Variants in GYG2 observed in about 807,000 individuals in gnomAD.
GYG2 encodes the protein glycogenin 2, also known as glycogenin-2.
In GYG2, 29 loss-of-function variants were observed where a neutral mutation model predicts 29.4. That is an observed-to-expected ratio of 0.99 (90% CI 0.74 to 1.35). GYG2 has a LOEUF of 1.35. GYG2 is among the 40% of genes most tolerant of loss of function. The probability of loss-of-function intolerance (pLI) is 0.00; values close to 1 mark genes in which losing one functional copy is unlikely to be tolerated. For synonymous variants in GYG2, 167 were observed against 172.3 expected (o/e 0.97, Z 0.24); for missense variants, 370 against 385.7 (o/e 0.96, Z 0.34).
chrX:2,840,737 GAGAT>G (rs895844000), intron 2 of GYG2, among the ~76,000 whole-genome samples: 1 of 110,432 alleles, frequency 9.1e-6, no homozygotes, highest in Admixed American at 9.7e-5. Context: ...AGAGATGATG[GAGAT>G]AGATGGATGA....
At chrX:2,875,765 C>T in intron 8 of GYG2, 45 bp from the exon 9 acceptor site, 1 of 841,219 alleles carries the variant, frequency 1.2e-6, no homozygotes, top group Non-Finnish European at 1.8e-6. Flanking sequence ...CATTTATTTG[C>T]ACGAAGGTTT....
intron 10 of GYG2, among the ~76,000 whole-genome samples, chrX:2,878,745 C>G (rs956228708): frequency 9.8e-5 from 11 of 112,238 alleles, no homozygotes; most frequent in African/African-American, 3.2e-4. Context: ...GGCACTTTGA[C>G]CTCCTGTGTG....
At chrX:2,860,346 G>A (rs2088130226) in intron 7 of GYG2, among the ~76,000 whole-genome samples, 1 of 111,477 alleles carries the variant, frequency 9.0e-6, no homozygotes, top group African/African-American at 3.3e-5. Flanking sequence ...GACACTCATG[G>A]ACAAGTGGTT....
chrX:2,848,803 A>G (rs1346494133), intron 3 of GYG2, among the ~76,000 whole-genome samples: 1 of 111,934 alleles, frequency 8.9e-6, no homozygotes, highest in Non-Finnish European at 1.9e-5. Context: ...AGGTTCACTC[A>G]AGAGGAACTT....
intron 8 of GYG2, among the ~76,000 whole-genome samples, chrX:2,863,149 A>T (rs1056825272): frequency 9.3e-6 from 1 of 107,421 alleles, no homozygotes; most frequent in South Asian, 4.4e-4. Context: ...ATCTTGGCTC[A>T]CTGCAAGCTC....
intron 8 of GYG2, among the ~76,000 whole-genome samples, chrX:2,864,195 G>A (rs781664611): frequency 6.2e-5 from 7 of 112,081 alleles, no homozygotes; most frequent in South Asian, 3.7e-4. Context: ...GGACACACCC[G>A]TGACACAGCC....
chrX:2,868,201 G>T (rs1341619347), intron 8 of GYG2, among the ~76,000 whole-genome samples: 1 of 110,607 alleles, frequency 9.0e-6, no homozygotes, highest in African/African-American at 3.3e-5. Context: ...AGAATAAAAA[G>T]AATTCTAACC....
intron 8 of GYG2, among the ~76,000 whole-genome samples, chrX:2,868,901 G>A (rs191958836): frequency 9.0e-6 from 1 of 110,702 alleles, no homozygotes; most frequent in Admixed American, 9.7e-5. Context: ...ATTATATTAC[G>A]GTCACATTTT....
intron 4 of GYG2, among the ~76,000 whole-genome samples, chrX:2,854,584 C>T (rs986650813): frequency 4.5e-5 from 5 of 111,594 alleles, no homozygotes; most frequent in Non-Finnish European, 9.4e-5. Context: ...CATGTTCCTA[C>T]CCCAGGAATG....
At chrX:2,838,925 C>G (rs1333964577) in intron 2 of GYG2, among the ~76,000 whole-genome samples, 1 of 112,183 alleles carries the variant, frequency 8.9e-6, no homozygotes, top group African/African-American at 3.2e-5. Flanking sequence ...CTGTCTGTTC[C>G]TTGAACTTCT....
intron 8 of GYG2, among the ~76,000 whole-genome samples, chrX:2,871,647 G>A (rs757005111): frequency 1.8e-5 from 2 of 110,927 alleles, no homozygotes; most frequent in South Asian, 7.6e-4. Context: ...CCGAGATGGT[G>A]CCACTGCACT....
At chrX:2,838,283 T>C (rs1418268825) in intron 2 of GYG2, among the ~76,000 whole-genome samples, 1 of 111,581 alleles carries the variant, frequency 9.0e-6, no homozygotes, top group Non-Finnish European at 1.9e-5. Flanking sequence ...TCATCCTTAA[T>C]AGGATTGACC....
intron 3 of GYG2, among the ~76,000 whole-genome samples, chrX:2,851,287 C>T (rs758235049): frequency 5.2e-4 from 58 of 111,518 alleles, no homozygotes; most frequent in Middle Eastern, 4.6e-3. Context: ...GCTCTGTCGC[C>T]CAGGCCGGAG....
At chrX:2,879,591 C>G (rs763930781) in intron 10 of GYG2, among the ~76,000 whole-genome samples, 104 of 112,328 alleles carry the variant, frequency 9.3e-4, no homozygotes, top group African/African-American at 3.2e-3. Context: ...TCATCTATCT[C>G]ATCTATATAT....
chrX:2,839,053 G>A (rs990117484), intron 2 of GYG2, among the ~76,000 whole-genome samples: 1 of 112,262 alleles, frequency 8.9e-6, no homozygotes, highest in Admixed American at 9.5e-5. Flanking sequence ...ATATCTATAT[G>A]TATAAAAATG....
Position 2,881,450 on chromosome X carries a change from T to G in GYG2, c.*237T>G. 1 of 331,225 alleles carries G rather than the reference T, an allele frequency of 3.0e-6. No homozygotes were observed. The highest frequency in any genetic ancestry group is 5.2e-6 in the Non-Finnish European group (1 of 192,949). The allele number at this position is 331,225 out of a possible 1,213,427, so 27.3% of individuals were successfully genotyped here. A position where few individuals can be genotyped will look rare whatever the true frequency, so the allele number is the denominator to read the frequency against. On this transcript the variant is annotated 3_prime_UTR_variant, in exon 11 of 11. Coordinates refer to ENST00000398806, the MANE Select transcript of GYG2 (RefSeq NM_001079855.2). Reference sequence around the variant, plus strand: ...CTGGGCTTTCTTCAGAGGTCACTTCTACCCTTGAAGCTGTCGGCAAAAGCG... The same window carrying G: ...CTGGGCTTTCTTCAGAGGTCACTTCGACCCTTGAAGCTGTCGGCAAAAGCG...
intron 8 of GYG2, 86 bp downstream of exon 8, chrX:2,861,808 T>C: frequency 1.4e-6 from 1 of 718,095 alleles, no homozygotes; most frequent in South Asian, 2.3e-5. Context: ...CCTGGCTCCC[T>C]GGGGAGGGGA....
chrX:2,874,951 A>C (rs2088561283), intron 8 of GYG2, among the ~76,000 whole-genome samples: 1 of 111,855 alleles, frequency 8.9e-6, no homozygotes, highest in Non-Finnish European at 1.9e-5. Flanking sequence ...TGAGGATGTC[A>C]GTGTTCTCTT....
At chrX:2,869,395 AATTCCATTTC>A (rs985408052) in intron 8 of GYG2, among the ~76,000 whole-genome samples, 2 of 110,890 alleles carry the variant, frequency 1.8e-5, no homozygotes, top group Admixed American at 9.6e-5. Flanking sequence ...TATCAGGAGA[AATTCCATTTC>A]ATTAATTCGT....
Sources: allele counts gnomAD v4.1 joint callset (sites outside exome capture counted in the v4.1 genomes callset), GRCh38; gene constraint gnomAD v4.1.1; transcripts MANE v1.5; gene names NCBI Gene and HGNC (gene_info 2026-07-23, HGNC 2026-07-21).